MELK: variants seen among roughly 807,000 people sequenced by gnomAD.
MELK encodes the protein pEg3 kinase.
MELK carries 81 observed loss-of-function variants against 85.0 expected under a neutral mutation model. The ratio of observed to expected loss-of-function variants is 0.95; its 90% confidence interval spans 0.80 to 1.15. MELK has a LOEUF of 1.15. Among genes scored for constraint, MELK ranks in the 50% most tolerant of loss-of-function variants. MELK has a pLI of 0.00. For missense variants in MELK, 754 were observed against 777.5 expected (o/e 0.97, Z 0.36); for synonymous variants, 252 against 265.0 (o/e 0.95, Z 0.48).
chr9:36,607,408 C>G (rs2135831906), intron 7 of MELK, among the ~76,000 whole-genome samples, 167 bp from the exon 8 acceptor site: 1 of 152,300 alleles, frequency 6.6e-6, no homozygotes, highest in South Asian at 2.1e-4. Flanking sequence ...AGGCAAGCCT[C>G]CTTAGCTTCA....
rs200697039 is a variant in MELK, at chr9:36,589,580, C to A, written c.189C>A (p.Asn63Lys). 5.0e-6 allele frequency: 8 copies of A among 1,614,070 alleles called. No homozygotes were observed. The South Asian group carries it at 8.8e-5, about 18-fold the overall frequency. The change falls in exon 4 of 18, where the codon AAC (asparagine) becomes AAA (lysine). Residue 63 changes from asparagine to lysine, a missense_variant. Physicochemically the swap from Asn to Lys is moderately conservative, Grantham distance 94. Coordinates refer to ENST00000298048, the MANE Select transcript of MELK (RefSeq NM_014791.4). ...RIKTEIEALKNLRHQHICQLY... is the reference protein window; with the variant it reads ...RIKTEIEALKKLRHQHICQLY... ...AAACGGAGATTGAGGCCTTGAAGAA[C>A]CTGAGACATCAGCATATATGTCAAC...
At chr9:36,648,481 G>A (rs966840244) in intron 11 of MELK, among the ~76,000 whole-genome samples, 3 of 151,824 alleles carry the variant, frequency 2.0e-5, no homozygotes, top group African/African-American at 2.4e-5. Flanking sequence ...CTCCTCTTCC[G>A]CATCCTGGCA....
At chr9:36,606,599 T>C (rs1171564511) in intron 7 of MELK, among the ~76,000 whole-genome samples, 2 of 146,972 alleles carry the variant, frequency 1.4e-5, no homozygotes, top group South Asian at 2.1e-4. Flanking sequence ...GGTGTGTATA[T>C]AATATATACA....
intron 7 of MELK, among the ~76,000 whole-genome samples, chr9:36,601,264 C>G (rs1319624241): frequency 6.6e-6 from 1 of 152,090 alleles, no homozygotes; most frequent in African/African-American, 2.4e-5. Context: ...GTGCAGGATG[C>G]ATTTAGTTAT....
intron 17 of MELK, among the ~76,000 whole-genome samples, chr9:36,675,960 C>T (rs1273868528): frequency 6.6e-6 from 1 of 152,144 alleles, no homozygotes; most frequent in Admixed American, 6.5e-5. Context: ...TCTGTGAACC[C>T]TGGCATTCCT....
chr9:36,607,510 C>T, intron 7 of MELK, 65 bp from the exon 8 acceptor site: 1 of 1,185,768 alleles, frequency 8.4e-7, no homozygotes, highest in Non-Finnish European at 1.3e-6. Flanking sequence ...ATCAAGAGTC[C>T]TACCATTCTG....
chr9:36,666,854 TG>T (rs1832389045), intron 14 of MELK, among the ~76,000 whole-genome samples: 1 of 1,122 alleles, frequency 8.9e-4, no homozygotes, highest in Admixed American at 0.016. Flanking sequence ...TGTCTGTGTT[TG>T]TGTGTGTGTG....
chr9:36,577,086 G>T (rs1821737121), intron 1 of MELK, among the ~76,000 whole-genome samples: 1 of 152,056 alleles, frequency 6.6e-6, no homozygotes, highest in South Asian at 2.1e-4. Context: ...CACACTCTAG[G>T]TCTTCCAAAT....
intron 1 of MELK, among the ~76,000 whole-genome samples, chr9:36,580,784 A>G (rs1421307998): frequency 1.3e-5 from 2 of 148,896 alleles, no homozygotes; most frequent in East Asian, 2.0e-4. Flanking sequence ...GCTAGAGTGC[A>G]ATGGCACGAT....
intron 17 of MELK, 122 bp from the exon 18 acceptor site, chr9:36,677,038 G>A: frequency 1.2e-6 from 1 of 823,344 alleles, no homozygotes; most frequent in Non-Finnish European, 1.9e-6. Flanking sequence ...ACTGTAAACA[G>A]TAATACATTG....
intron 8 of MELK, among the ~76,000 whole-genome samples, chr9:36,629,184 A>T (rs560193412): frequency 6.6e-6 from 1 of 152,180 alleles, no homozygotes; most frequent in South Asian, 2.1e-4. Context: ...ATTTTCATTT[A>T]ATCTGGGTGG....
chr9:36,648,872 A>T (rs952378854), intron 11 of MELK, among the ~76,000 whole-genome samples: 5 of 152,182 alleles, frequency 3.3e-5, no homozygotes, highest in African/African-American at 1.2e-4. Flanking sequence ...AGACAACCAA[A>T]AATCACTAGA....
Position 36,633,043 on chromosome 9 carries a change from G to A in MELK, c.736-59G>A, listed in dbSNP as rs930874479. On this transcript the variant is annotated intron_variant, in intron 9 of 17. Transcript: ENST00000298048. ...TGCATTTTTAGTTTTCAGGAGGAAAGGTGTTCTATGTTCTCTATTTGAAAT... is the reference window on the plus strand; with the variant it reads ...TGCATTTTTAGTTTTCAGGAGGAAAAGTGTTCTATGTTCTCTATTTGAAAT... The A allele has an allele frequency of 1.5e-5, 18 of 1,185,416 alleles. No homozygotes were observed. In the African/African-American group the frequency reaches 2.8e-4, roughly 18 times the overall value. The allele number at this position is 1,185,416 out of a possible 1,614,324, so 73.4% of individuals were successfully genotyped here.
chr9:36,595,624 T>A (rs1236933463), intron 5 of MELK, among the ~76,000 whole-genome samples: 3 of 94,032 alleles, frequency 3.2e-5, no homozygotes, highest in East Asian at 3.1e-4. Flanking sequence ...TTTTTTTTTT[T>A]AAGCAAGATC....
At chr9:36,590,062 C>CA (rs1174209178) in intron 4 of MELK, among the ~76,000 whole-genome samples, 4 of 151,812 alleles carry the variant, frequency 2.6e-5, no homozygotes, top group African/African-American at 9.7e-5. Context: ...GCTGGGACTA[C>CA]AGGCGCCCAC....
At chr9:36,646,468 C>T (rs542730220) in intron 11 of MELK, among the ~76,000 whole-genome samples, 7 of 152,318 alleles carry the variant, frequency 4.6e-5, no homozygotes, top group South Asian at 4.1e-4. Context: ...ATATTATATA[C>T]AGGAGCACTC....
At chr9:36,644,084 A>G (rs2257192) in intron 11 of MELK, among the ~76,000 whole-genome samples, 15,911 of 152,222 alleles carry the variant, frequency 0.1, 892 homozygotes, top group Middle Eastern at 0.14. Flanking sequence ...TTCACCTGAA[A>G]GCAACAGCAG....
chr9:36,647,213 G>T (rs34162601), intron 11 of MELK, among the ~76,000 whole-genome samples: 1 of 152,152 alleles, frequency 6.6e-6, no homozygotes, highest in Non-Finnish European at 1.5e-5. Context: ...AAAACTCTTA[G>T]CACTATCCAG....
rs779228039 is a variant in MELK, at chr9:36,669,339, A to G, written c.1438A>G (p.Ile480Val). The change falls in exon 15 of 18, where the codon ATT (isoleucine) becomes GTT (valine). Residue 480 changes from isoleucine to valine, a missense_variant. Transcript: ENST00000298048. ...AAACCAGTGCCTGAAAGAAACTCCA[A>G]TTAAAATACCAGTAAATTCAACAGG... ...ARNQCLKETP[I>V]KIPVNSTGTD... is the part of the protein sequence containing the mutation. 4.3e-6 allele frequency: 7 copies of G among 1,610,356 alleles called. No individual in the cohort carries two copies. In the East Asian group the frequency reaches 6.7e-5, roughly 15 times the overall value.
Sources: allele counts gnomAD v4.1 joint callset (sites outside exome capture counted in the v4.1 genomes callset), GRCh38; gene constraint gnomAD v4.1.1; transcripts MANE v1.5; gene names NCBI Gene and HGNC (gene_info 2026-07-23, HGNC 2026-07-21).